Variants in MLLT1 observed in about 807,000 individuals in gnomAD.
The protein encoded by MLLT1 is MLLT1 super elongation complex subunit.
A neutral mutation model predicts 55.1 loss-of-function variants in MLLT1; 11 were observed. That is an observed-to-expected ratio of 0.20 (90% CI 0.13 to 0.33). MLLT1 has a LOEUF of 0.33. Among genes scored for constraint, MLLT1 ranks in the 10% least tolerant of loss-of-function variants. The pLI is 1.00. For missense variants in MLLT1, 536 were observed against 760.6 expected (o/e 0.70, Z 3.47); for synonymous variants, 323 against 320.1 (o/e 1.01, Z -0.10).
chr19:6,219,032 G>C lies in MLLT1; in HGVS notation c.1111-991C>G, dbSNP rs1168599704. 3.9e-5 allele frequency among the ~76,000 whole-genome samples: 6 copies of C among 152,178 alleles called. No homozygotes were observed. Among genetic ancestry groups the C allele is most frequent in the African/African-American group, 1.4e-4 (6 of 41,442 alleles). On this transcript the variant is annotated intron_variant, in intron 6 of 11. Coordinates refer to ENST00000252674, the MANE Select transcript of MLLT1 (RefSeq NM_005934.4). This position sits in a 1 kb window ranked among gnomAD's most constrained non-coding sequence, Gnocchi z 4.5. ...CCGCTGCAGCCGCCAGCCATGCAAG[G>C]GAAGCCGTGAACGGAGTACTGAGCT...
At chr19:6,232,662 G>A (rs2091022824) in intron 3 of MLLT1, among the ~76,000 whole-genome samples, 1 of 152,236 alleles carries the variant, frequency 6.6e-6, no homozygotes, top group South Asian at 2.1e-4. Context: ...GGGAGGCTGA[G>A]GCAAATGCAG....
chr19:6,216,709 C>T lies in MLLT1; in HGVS notation c.1199-196G>A, dbSNP rs184129038. ...CGGCAGCCACCCGCTTCCCCTAGAA[C>T]GCCCTGGCTCCCCCACCCCTCCCTA... On this transcript the variant is annotated intron_variant, in intron 7 of 11. Coordinates refer to ENST00000252674, the MANE Select transcript of MLLT1 (RefSeq NM_005934.4). 573 of 571,810 alleles carry T rather than the reference C, an allele frequency of 1.0e-3. 2 individuals are homozygous for T. Among genetic ancestry groups the T allele is most frequent in the African/African-American group, 8.8e-3 (460 of 52,532 alleles). The allele number at this position is 571,810 out of a possible 1,614,324, so 35.4% of individuals were successfully genotyped here. A position where few individuals can be genotyped will look rare whatever the true frequency, so the allele number is the denominator to read the frequency against.
At chr19:6,257,357 A>G (rs892628056) in intron 3 of MLLT1, among the ~76,000 whole-genome samples, 2 of 151,286 alleles carry the variant, frequency 1.3e-5, no homozygotes, top group Non-Finnish European at 2.9e-5. Context: ...TGGGCAACAG[A>G]GTGAGACCCT....
In MLLT1 at chr19:6,270,469, C is replaced by G. The variant is rs2091386471; in HGVS notation, c.193+110G>C. 8.2e-6 allele frequency: 10 copies of G among 1,212,254 alleles called. No homozygotes were observed. The South Asian group carries it at 1.4e-4, about 16-fold the overall frequency. The allele number at this position is 1,212,254 out of a possible 1,614,324, so 75.1% of individuals were successfully genotyped here. ...CGCCGAGGGACGCAAGCTGGAACCT[C>G]ATGGTTGGAGGGGTCCTGCTGCTCC... On this transcript the variant is annotated intron_variant, in intron 2 of 11. Transcript: ENST00000252674. This position sits in a 1 kb window ranked among gnomAD's most constrained non-coding sequence, Gnocchi z 7.1.
At chr19:6,265,052 A>AC (rs1358793858) in intron 2 of MLLT1, among the ~76,000 whole-genome samples, 507 of 32,990 alleles carry the variant, frequency 0.015, 16 homozygotes, top group African/African-American at 0.027. Context: ...AAAAAAACAA[A>AC]AAAACAAAAA....
chr19:6,255,370 G>A (rs929413593), intron 3 of MLLT1, among the ~76,000 whole-genome samples: 4 of 152,266 alleles, frequency 2.6e-5, no homozygotes, highest in East Asian at 3.9e-4. Flanking sequence ...GCACACGTCC[G>A]TAATTCCAGC....
In MLLT1 at chr19:6,212,582, C is replaced by T. The variant is rs1466942461; in HGVS notation, c.*460G>A. ...CTACACGGAGGACGACGCAGACACA[C>T]AGGCAGGGCCTTCTGAGGTCCAGGG... On this transcript the variant is annotated 3_prime_UTR_variant, in exon 12 of 12. Transcript: ENST00000252674. The T allele has an allele frequency of 1.1e-5, 12 of 1,089,616 alleles. No homozygotes were observed. In the African/African-American group the frequency reaches 1.5e-4, roughly 13 times the overall value. 67.5% of individuals were successfully genotyped at this position (1,089,616 alleles called of 1,614,324 possible). A position where few individuals can be genotyped will look rare whatever the true frequency, so the allele number is the denominator to read the frequency against.
chr19:6,216,111 T>G (rs2090840868), intron 8 of MLLT1, among the ~76,000 whole-genome samples: 1 of 151,954 alleles, frequency 6.6e-6, no homozygotes, highest in African/African-American at 2.4e-5. Context: ...CCTGCACCCC[T>G]CCCTGCCAGA....
At chr19:6,224,729 G>GTTTT (rs1168278554) in intron 5 of MLLT1, among the ~76,000 whole-genome samples, 1 of 152,162 alleles carries the variant, frequency 6.6e-6, no homozygotes, top group African/African-American at 2.4e-5. Flanking sequence ...TTGTTTGTTT[G>GTTTT]TTTGTTTGCT....
rs985805362 is a variant in MLLT1 at position 6,273,040 on chromosome 19, G to A, written c.13-2281C>T. ...ACGACTGTCCCTCTGGAGTTCCCTG[G>A]GAAAAGAGGGCAGGGACTCCCTAGG... On this transcript the variant is annotated intron_variant, in intron 1 of 11. Transcript: ENST00000252674. This position sits in a 1 kb window ranked among gnomAD's most constrained non-coding sequence, Gnocchi z 4.3. 6.6e-6 allele frequency among the ~76,000 whole-genome samples: 1 copy of A among 152,174 alleles called. No homozygotes were observed. Among genetic ancestry groups the A allele is most frequent in the African/African-American group, 2.4e-5 (1 of 41,424 alleles).
chr19:6,265,028 T>C lies in MLLT1; in HGVS notation c.194-2718A>G, dbSNP rs188669166. On this transcript the variant is annotated intron_variant, in intron 2 of 11. Transcript: ENST00000252674. ...AAAGACACTCAAATGTCACAAAACA[T>C]AGTGAACAGCAAAAAAAAAACAAAA... Among the ~76,000 whole-genome samples, 42 of 62,608 alleles carry C rather than the reference T, an allele frequency of 6.7e-4. 1 individual carries two copies. Among genetic ancestry groups the C allele is most frequent in the South Asian group, 2.5e-3 (5 of 2,026 alleles). 41.1% of individuals were successfully genotyped at this position (62,608 alleles called of 152,430 possible).
chr19:6,261,282 T>C (rs1185387300), intron 3 of MLLT1, among the ~76,000 whole-genome samples: 1 of 152,222 alleles, frequency 6.6e-6, no homozygotes, highest in Non-Finnish European at 1.5e-5. Flanking sequence ...AGGCCTTGCA[T>C]CTGAAATCGG....
Position 6,273,079 on chromosome 19 carries a change from G to A in MLLT1, c.13-2320C>T, listed in dbSNP as rs941739122. ...GGACTCCCTAGGGACCAGGCACACT[G>A]CAGGGGGTGCCTGGGATCAGGCCGG... is the stretch of plus-strand genomic sequence containing the variant. On this transcript the variant is annotated intron_variant, in intron 1 of 11. Coordinates refer to ENST00000252674, the MANE Select transcript of MLLT1 (RefSeq NM_005934.4). The surrounding 1 kb of genome is among the most constrained non-coding windows in gnomAD (Gnocchi z 4.3). 6.6e-6 allele frequency among the ~76,000 whole-genome samples: 1 copy of A among 152,184 alleles called. No homozygotes were observed. The highest frequency in any genetic ancestry group is 2.1e-4 in the South Asian group (1 of 4,822).
chr19:6,225,064 C>T lies in MLLT1; in HGVS notation c.546+1913G>A, dbSNP rs545971011. Among the ~76,000 whole-genome samples, 4 of 152,184 alleles carry T rather than the reference C, an allele frequency of 2.6e-5. No individual in the cohort carries two copies. The East Asian group carries it at 5.8e-4, about 22-fold the overall frequency. On this transcript the variant is annotated intron_variant, in intron 5 of 11. Coordinates refer to ENST00000252674, the MANE Select transcript of MLLT1 (RefSeq NM_005934.4). ...TTGCAAGGTTGTCTGCGAACCTCCA[C>T]GGGAAAGAGCAACCAGGCCAAGTAC...
chr19:6,258,154 T>G (rs1484759835), intron 3 of MLLT1, among the ~76,000 whole-genome samples: 1 of 152,172 alleles, frequency 6.6e-6, no homozygotes, highest in Non-Finnish European at 1.5e-5. Flanking sequence ...CCAGAGGAAC[T>G]GAAAACGGGC....
At chr19:6,223,213 C>T (rs2090920919) in intron 5 of MLLT1, among the ~76,000 whole-genome samples, 2 of 152,202 alleles carry the variant, frequency 1.3e-5, no homozygotes, top group Admixed American at 1.3e-4. Flanking sequence ...CTCCCCAGGA[C>T]TCCACACCCC....
At chr19:6,272,924 A>G (rs1178982576) in intron 1 of MLLT1, among the ~76,000 whole-genome samples, 1 of 152,184 alleles carries the variant, frequency 6.6e-6, no homozygotes, top group Non-Finnish European at 1.5e-5. Flanking sequence ...AAACTGAAAC[A>G]TGTACATGAT....
chr19:6,211,517 A>AC lies in MLLT1; in HGVS notation c.*1524_*1525insG. ...AAGATGAGGGACCTCAGGGAGGGAC[A>AC]GATGGAGCCCCCCAAGTCTGAACTC... is the stretch of plus-strand genomic sequence containing the variant. On this transcript the variant is annotated 3_prime_UTR_variant, in exon 12 of 12. Coordinates refer to ENST00000252674, the MANE Select transcript of MLLT1 (RefSeq NM_005934.4). This position sits in a 1 kb window ranked among gnomAD's most constrained non-coding sequence, Gnocchi z 4.6. 1 of 778,782 alleles carries AC rather than the reference A, an allele frequency of 1.3e-6. No individual in the cohort carries two copies. The highest frequency in any genetic ancestry group is 1.6e-6 in the Non-Finnish European group (1 of 617,540). 48.2% of individuals were successfully genotyped at this position (778,782 alleles called of 1,614,324 possible).
chr19:6,212,658 G>C lies in MLLT1; in HGVS notation c.*384C>G. The C allele has an allele frequency of 2.7e-6, 3 of 1,108,966 alleles. No individual in the cohort carries two copies. Among genetic ancestry groups the C allele is most frequent in the Non-Finnish European group, 3.3e-6 (3 of 908,730 alleles). The allele number at this position is 1,108,966 out of a possible 1,614,324, so 68.7% of individuals were successfully genotyped here. A position where few individuals can be genotyped will look rare whatever the true frequency, so the allele number is the denominator to read the frequency against. On this transcript the variant is annotated 3_prime_UTR_variant, in exon 12 of 12. Transcript: ENST00000252674. ...TTCGGGAGGCTGGAGATGCCCCCCA[G>C]CCGTCGATCCGCTGCTCAGAAAGGC...
Sources: gnomAD v4.1 joint callset for allele counts (sites outside exome capture counted in the v4.1 genomes callset) on GRCh38, gnomAD v4.1.1 for gene constraint, Gnocchi (gnomAD v3.1) non-coding constraint, MANE v1.5 for transcripts, NCBI Gene and HGNC (gene_info 2026-07-23, HGNC 2026-07-21) for gene names.